PTCHD4: variants seen among roughly 807,000 people sequenced by gnomAD.
PTCHD4 encodes patched domain-containing protein 4.
In PTCHD4, 33 loss-of-function variants were observed where a neutral mutation model predicts 58.1. The observed-to-expected ratio is 0.57, with a 90% confidence interval of 0.43 to 0.76. The LOEUF (loss-of-function observed/expected upper bound fraction) is 0.76, where lower values mean the gene tolerates loss of function less well. PTCHD4 is among the 30% of genes least tolerant of loss of function. The pLI is 0.00. For synonymous variants in PTCHD4, 478 were observed against 409.6 expected, an observed-to-expected ratio of 1.17 and a Z score of -2.02; for missense variants, 1,058 against 1,027.1, an observed-to-expected ratio of 1.03 and a Z score of -0.41.
intron 4 of PTCHD4, among the ~76,000 whole-genome samples, chr6:47,923,552 GT>G (rs1036577925): frequency 6.6e-6 from 1 of 152,138 alleles, no homozygotes; most frequent in South Asian, 2.1e-4. Context: ...AACTGGTGTT[GT>G]TTTTGTTTTC....
At chr6:47,943,450 C>G (rs1228485368) in intron 4 of PTCHD4, among the ~76,000 whole-genome samples, 1 of 151,952 alleles carries the variant, frequency 6.6e-6, no homozygotes, top group Non-Finnish European at 1.5e-5. Context: ...AAATTTAAAT[C>G]CAGAGAGGAA....
chr6:48,059,500 T>A (rs1161257054), intron 3 of PTCHD4, among the ~76,000 whole-genome samples: 2 of 151,766 alleles, frequency 1.3e-5, no homozygotes, highest in African/African-American at 4.8e-5. Flanking sequence ...TTAGCTGGGC[T>A]TGGTGGTGGG....
At chr6:47,913,487 G>A (rs1045355763) in intron 4 of PTCHD4, among the ~76,000 whole-genome samples, 1 of 152,068 alleles carries the variant, frequency 6.6e-6, no homozygotes, top group Non-Finnish European at 1.5e-5. Flanking sequence ...AAAAATCAGA[G>A]AAAGAAAATG....
At chr6:47,969,553 C>G (rs556492252) in intron 4 of PTCHD4, among the ~76,000 whole-genome samples, 1 of 152,184 alleles carries the variant, frequency 6.6e-6, no homozygotes, top group Non-Finnish European at 1.5e-5. Flanking sequence ...AATGAGTAAA[C>G]TTAAATATTA....
intron 3 of PTCHD4, among the ~76,000 whole-genome samples, chr6:48,046,489 A>G (rs1425026821): frequency 6.6e-6 from 1 of 151,816 alleles, no homozygotes; most frequent in Non-Finnish European, 1.5e-5. Flanking sequence ...AATAGGATGG[A>G]TTGATTATTT....
intron 3 of PTCHD4, among the ~76,000 whole-genome samples, chr6:48,016,862 G>A (rs1762886456): frequency 6.6e-6 from 1 of 152,168 alleles, no homozygotes; most frequent in East Asian, 1.9e-4. Context: ...GAAACTATAG[G>A]AGAGCAAGTA....
intron 4 of PTCHD4, among the ~76,000 whole-genome samples, chr6:47,916,967 A>T (rs1765278097): frequency 1.1e-5 from 1 of 90,224 alleles, no homozygotes; most frequent in Admixed American, 1.5e-4. Flanking sequence ...ATCTTCATTG[A>T]ATTAAAATCA....
At chr6:47,884,936 A>T (rs1336273910) in intron 4 of PTCHD4, among the ~76,000 whole-genome samples, 1 of 152,158 alleles carries the variant, frequency 6.6e-6, no homozygotes, top group Non-Finnish European at 1.5e-5. Context: ...GTGTGTTTAA[A>T]GTTTATAATT....
At chr6:48,017,397 A>G (rs1383009827) in intron 3 of PTCHD4, among the ~76,000 whole-genome samples, 6 of 152,210 alleles carry the variant, frequency 3.9e-5, no homozygotes, top group Non-Finnish European at 8.8e-5. Flanking sequence ...TTGTCACATT[A>G]GTAAGCTAGA....
At chr6:48,045,204 C>T (rs1053020546) in intron 3 of PTCHD4, among the ~76,000 whole-genome samples, 1 of 151,790 alleles carries the variant, frequency 6.6e-6, no homozygotes, top group African/African-American at 2.4e-5. Context: ...CAACTGCATG[C>T]TGTACTTCTA....
chr6:47,946,670 G>A (rs537289460), intron 4 of PTCHD4, among the ~76,000 whole-genome samples: 3 of 152,108 alleles, frequency 2.0e-5, no homozygotes, highest in South Asian at 4.1e-4. Flanking sequence ...AATTTACATC[G>A]ATTGTGATTT....
chr6:47,929,377 T>A (rs908973806), intron 4 of PTCHD4, among the ~76,000 whole-genome samples: 18 of 152,314 alleles, frequency 1.2e-4, no homozygotes, highest in African/African-American at 4.3e-4. Flanking sequence ...TTTTTTAACC[T>A]TTACACTGAT....
chr6:47,976,683 T>C (rs1293074015), intron 4 of PTCHD4, among the ~76,000 whole-genome samples: 1 of 149,460 alleles, frequency 6.7e-6, no homozygotes, highest in Non-Finnish European at 1.5e-5. Context: ...AATAAATAAA[T>C]AAATAAATAA....
intron 4 of PTCHD4, among the ~76,000 whole-genome samples, chr6:47,997,785 G>A (rs1000587726): frequency 2.6e-5 from 4 of 152,180 alleles, no homozygotes; most frequent in Admixed American, 6.5e-5. Flanking sequence ...GAAGGCAGGT[G>A]GGAATTAGTC....
At chr6:47,979,972 T>C (rs1767821726) in intron 4 of PTCHD4, among the ~76,000 whole-genome samples, 1 of 152,122 alleles carries the variant, frequency 6.6e-6, no homozygotes, top group Non-Finnish European at 1.5e-5. Flanking sequence ...AAAGCAACAA[T>C]CTTATTTCTA....
intron 4 of PTCHD4, among the ~76,000 whole-genome samples, chr6:47,896,452 G>T (rs1422806990): frequency 2.0e-5 from 3 of 152,136 alleles, no homozygotes; most frequent in African/African-American, 4.8e-5. Context: ...CATGAAGAAG[G>T]GTTATTTTGA....
intron 4 of PTCHD4, among the ~76,000 whole-genome samples, chr6:47,985,170 G>A (rs180899117): frequency 6.6e-6 from 1 of 152,080 alleles, no homozygotes; most frequent in African/African-American, 2.4e-5. Flanking sequence ...CTTTCTCTAT[G>A]TATAGCTTCC....
chr6:47,916,104 G>A (rs1463702573), intron 4 of PTCHD4, among the ~76,000 whole-genome samples: 1 of 152,066 alleles, frequency 6.6e-6, no homozygotes, highest in East Asian at 1.9e-4. Flanking sequence ...CCCACAAAGT[G>A]CTGAAGGCTG....
rs142961548 is a variant in PTCHD4 at position 47,864,315 on chromosome 6, T to TATATAC, written c.*13987_*13988insGTATAT. Among the ~76,000 whole-genome samples, 1 of 148,786 alleles carries TATATAC rather than the reference T, an allele frequency of 6.7e-6. No individual in the cohort carries two copies. The highest frequency in any genetic ancestry group is 2.5e-5 in the African/African-American group (1 of 40,622). ...GCCCATTATTTTTGAGATATATATA[T>TATATAC]ACACACACACACACATATATATATA... On this transcript the variant is annotated 3_prime_UTR_variant, in exon 5 of 5. Transcript: ENST00000339488.
Sources: gnomAD v4.1 joint callset for allele counts (sites outside exome capture counted in the v4.1 genomes callset) on GRCh38, gnomAD v4.1.1 for gene constraint, MANE v1.5 for transcripts, NCBI Gene and HGNC (gene_info 2026-07-23, HGNC 2026-07-21) for gene names.